The following DNAH5 variants were observed in gnomAD, a reference collection of about 807,000 sequenced individuals.
The protein encoded by DNAH5 is dynein axonemal heavy chain 5, also known as axonemal beta dynein heavy chain 5.
In DNAH5, 372 loss-of-function variants were observed where a neutral mutation model predicts 518.2. The observed-to-expected ratio is 0.72, with a 90% CI of 0.66 to 0.78. The LOEUF (loss-of-function observed/expected upper bound fraction) is 0.78, where lower values mean the gene tolerates loss of function less well. Ranked by LOEUF, DNAH5 falls within the 30% of genes least tolerant of loss-of-function variation. The pLI, the probability that DNAH5 is intolerant of heterozygous loss-of-function variation, is 0.00. For synonymous variants in DNAH5, 2,039 were observed against 2,025.9 expected (o/e 1.01, Z -0.17); for missense variants, 5,523 against 5,687.0 (o/e 0.97, Z 0.93).
intron 1 of DNAH5, among the ~76,000 whole-genome samples, chr5:13,979,393 A>G (rs975955414): frequency 6.6e-6 from 1 of 151,998 alleles, no homozygotes; most frequent in Non-Finnish European, 1.5e-5. Context: ...TATTGTCATC[A>G]CCCTCAACTG....
chr5:13,854,111 G>C (rs930749979), intron 30 of DNAH5, among the ~76,000 whole-genome samples: 1 of 152,134 alleles, frequency 6.6e-6, no homozygotes, highest in Non-Finnish European at 1.5e-5. Flanking sequence ...AAATATTAAA[G>C]GCAGCCAGAG....
chr5:13,704,124 C>T (rs900705023), intron 76 of DNAH5, among the ~76,000 whole-genome samples: 2 of 152,214 alleles, frequency 1.3e-5, no homozygotes, highest in African/African-American at 4.8e-5. Context: ...GCAGCTATAA[C>T]AGCAGCTCCT....
At chr5:13,757,927 A>G (rs1580089640) in intron 61 of DNAH5, among the ~76,000 whole-genome samples, 1 of 152,312 alleles carries the variant, frequency 6.6e-6, no homozygotes, top group East Asian at 1.9e-4. Context: ...GGCCAAGTAA[A>G]GGCTGAGAAG....
At chr5:13,807,066 G>A (rs1174416112) in intron 47 of DNAH5, among the ~76,000 whole-genome samples, 1 of 152,170 alleles carries the variant, frequency 6.6e-6, no homozygotes. Context: ...CAATAACCTG[G>A]TACGCAATCA....
intron 1 of DNAH5, among the ~76,000 whole-genome samples, chr5:13,957,044 AAGAAGAAATCCTC>A (rs1780806468): frequency 6.6e-6 from 1 of 152,140 alleles, no homozygotes; most frequent in Admixed American, 6.6e-5. Context: ...TTTTCTTTTT[AAGAAGAAATCCTC>A]AGATTCTGGT....
intron 39 of DNAH5, among the ~76,000 whole-genome samples, chr5:13,823,585 G>T (rs755800892): frequency 9.2e-5 from 14 of 152,100 alleles, no homozygotes; most frequent in Non-Finnish European, 1.9e-4. Context: ...AGAAAGGAAA[G>T]AAATGGAAGG....
intron 67 of DNAH5, 33 bp from the exon 68 acceptor site, chr5:13,735,354 C>T (rs774546627): frequency 3.1e-6 from 5 of 1,591,318 alleles, no homozygotes; most frequent in Non-Finnish European, 4.3e-6. Context: ...CAGGCTTATC[C>T]CACTGCCCTT....
chr5:14,009,021 C>T (rs1784928927), intron 1 of DNAH5, among the ~76,000 whole-genome samples: 1 of 152,240 alleles, frequency 6.6e-6, no homozygotes. Context: ...TGTAACTCAA[C>T]ATTCTGGGAA....
intron 1 of DNAH5, among the ~76,000 whole-genome samples, chr5:14,001,129 G>A (rs1174997445): frequency 6.6e-6 from 1 of 152,128 alleles, no homozygotes; most frequent in Non-Finnish European, 1.5e-5. Flanking sequence ...CAACAGACAT[G>A]GAGGACTACT....
chr5:13,718,552 G>A (rs1231014911), intron 72 of DNAH5, among the ~76,000 whole-genome samples: 3 of 152,224 alleles, frequency 2.0e-5, no homozygotes, highest in Non-Finnish European at 4.4e-5. Flanking sequence ...CCTCTTGGAA[G>A]AGACTACTGT....
chr5:13,710,524 C>G (rs1743348448), intron 75 of DNAH5, among the ~76,000 whole-genome samples: 1 of 151,836 alleles, frequency 6.6e-6, no homozygotes, highest in African/African-American at 2.4e-5. Flanking sequence ...CAAAACAAAG[C>G]AATACAAAAG....
chr5:13,853,263 A>T (rs1282620011), intron 30 of DNAH5, among the ~76,000 whole-genome samples: 2 of 152,218 alleles, frequency 1.3e-5, no homozygotes, highest in Non-Finnish European at 2.9e-5. Context: ...ACTCCAGAAG[A>T]CCTGCAGAAG....
chr5:13,721,909 A>G (rs1745105404), intron 70 of DNAH5, among the ~76,000 whole-genome samples: 1 of 152,346 alleles, frequency 6.6e-6, no homozygotes, highest in East Asian at 1.9e-4. Context: ...GAGGTAAAAG[A>G]GTTATAATTT....
intron 58 of DNAH5, 36 bp downstream of exon 58, chr5:13,768,924 C>A: frequency 1.2e-6 from 2 of 1,611,954 alleles, no homozygotes; most frequent in Non-Finnish European, 1.7e-6. Flanking sequence ...CCTCTTAAGC[C>A]CTAAAGCTGA....
intron 6 of DNAH5, among the ~76,000 whole-genome samples, chr5:13,919,751 C>CTG (rs1777056436): frequency 6.6e-6 from 1 of 152,114 alleles, no homozygotes; most frequent in Non-Finnish European, 1.5e-5. Context: ...ACCTTGAGTA[C>CTG]TTATCATTTC....
At chr5:13,894,524 A>G in intron 16 of DNAH5, 126 bp downstream of exon 16, 1 of 1,043,560 alleles carries the variant, frequency 9.6e-7, no homozygotes, top group Non-Finnish European at 1.4e-6. Flanking sequence ...CTTCCTTATG[A>G]AACAGCTTAA....
chr5:13,944,237 C>T, intron 1 of DNAH5, 145 bp downstream of exon 1: 1 of 808,158 alleles, frequency 1.2e-6, no homozygotes. Flanking sequence ...GCCTATGCAC[C>T]AGGTGAACAT....
At position 13,735,831 on chromosome 5, in the gene DNAH5, G is replaced by T. The variant is rs1222348393; in HGVS notation, c.11557C>A (p.Leu3853Ile). ...GTACAGACGTACCTGGCTAAGGAAA[G>T]GTCAAATAAGCCCAGAAACTGGCGA... ...SLRQFLGLFD[L>I]SLARSVKSPI... Residue 3853 changes from leucine (L) to isoleucine (I), a missense_variant, in exon 67 of 79, where the codon CTT (leucine) becomes ATT (isoleucine). By Grantham distance (5) the Leu-to-Ile change is conservative. This residue lies in a region of DNAH5 where 5,121 missense variants were observed against 5,223.3 expected (regional missense o/e 0.98). Coordinates refer to ENST00000265104, the MANE Select transcript of DNAH5 (RefSeq NM_001369.3). The T allele has an allele frequency of 1.2e-6, 2 of 1,614,012 alleles. No individual in the cohort carries two copies. Among genetic ancestry groups the T allele is most frequent in the Admixed American group, 1.7e-5 (1 of 60,028 alleles).
intron 78 of DNAH5, among the ~76,000 whole-genome samples, chr5:13,696,263 T>A (rs1741377667): frequency 6.6e-6 from 1 of 152,198 alleles, no homozygotes; most frequent in Admixed American, 6.5e-5. Context: ...TCATTGAGAA[T>A]CATCAATCTG....
Sources: allele counts gnomAD v4.1 joint callset (sites outside exome capture counted in the v4.1 genomes callset), GRCh38; gene constraint gnomAD v4.1.1; regional missense constraint gnomAD v4.1.1; transcripts MANE v1.5; gene names NCBI Gene and HGNC (gene_info 2026-07-23, HGNC 2026-07-21).